The following KCNAB1 variants were observed in gnomAD, a reference collection of about 807,000 sequenced individuals.
The protein encoded by KCNAB1 is potassium voltage-gated channel subfamily A regulatory beta subunit 1.
A neutral mutation model predicts 64.6 loss-of-function variants in KCNAB1; 35 were observed. That is an observed-to-expected ratio of 0.54 (90% confidence interval 0.41 to 0.72). KCNAB1 has a LOEUF of 0.72. Ranked by LOEUF, KCNAB1 falls within the 30% of genes least tolerant of loss-of-function variation. The pLI is 0.00. For missense variants in KCNAB1, 401 were observed against 512.9 expected (o/e 0.78, Z 2.11); for synonymous variants, 177 against 183.8 (o/e 0.96, Z 0.30).
At chr3:156,225,600 G>A (rs536764774) in intron 1 of KCNAB1, among the ~76,000 whole-genome samples, 1 of 152,256 alleles carries the variant, frequency 6.6e-6, no homozygotes, top group East Asian at 1.9e-4. Flanking sequence ...GAAATAAAGG[G>A]CATCCAAATT....
chr3:156,163,346 A>T (rs995455216), intron 1 of KCNAB1, among the ~76,000 whole-genome samples: 16 of 152,132 alleles, frequency 1.1e-4, no homozygotes, highest in Non-Finnish European at 2.2e-4. Context: ...AATTTTTTTT[A>T]GGTTTTCCAG....
chr3:156,457,605 G>A, intron 4 of KCNAB1, 73 bp downstream of exon 4: 1 of 1,316,078 alleles, frequency 7.6e-7, no homozygotes, highest in Non-Finnish European at 1.1e-6. Context: ...ACCATTTCCA[G>A]CATGTTGGTG....
intron 1 of KCNAB1, among the ~76,000 whole-genome samples, chr3:156,258,284 C>A (rs1718220781): frequency 6.6e-6 from 1 of 152,152 alleles, no homozygotes; most frequent in Non-Finnish European, 1.5e-5. Flanking sequence ...AAAGGAGAAG[C>A]CTGGACAGGC....
At chr3:156,403,252 A>T (rs1397749681) in intron 1 of KCNAB1, among the ~76,000 whole-genome samples, 1 of 152,182 alleles carries the variant, frequency 6.6e-6, no homozygotes, top group Admixed American at 6.5e-5. Flanking sequence ...CCTGGTCACC[A>T]TGCCATGTTG....
chr3:156,490,405 A>G (rs886252345), intron 8 of KCNAB1, among the ~76,000 whole-genome samples: 3 of 152,128 alleles, frequency 2.0e-5, no homozygotes, highest in Non-Finnish European at 2.9e-5. Flanking sequence ...TCTAACAGGA[A>G]AAGAAGCTCA....
At chr3:156,357,356 T>A (rs1328515650) in intron 1 of KCNAB1, among the ~76,000 whole-genome samples, 1 of 152,206 alleles carries the variant, frequency 6.6e-6, no homozygotes, top group East Asian at 1.9e-4. Context: ...AAGTCATAAT[T>A]TTTGAGCTGT....
intron 1 of KCNAB1, among the ~76,000 whole-genome samples, chr3:156,131,033 G>A (rs930803063): frequency 7.2e-5 from 11 of 152,352 alleles, no homozygotes; most frequent in African/African-American, 2.6e-4. Context: ...CAGAATTTGA[G>A]TTTAAGTCAG....
intron 1 of KCNAB1, among the ~76,000 whole-genome samples, chr3:156,226,461 A>G (rs898725497): frequency 4.6e-5 from 7 of 152,228 alleles, no homozygotes; most frequent in Non-Finnish European, 4.4e-5. Context: ...TAAAAATTCT[A>G]GAAGATAACA....
chr3:156,457,216 G>A (rs568237189), intron 3 of KCNAB1: 59 of 1,307,182 alleles, frequency 4.5e-5, no homozygotes, highest in Non-Finnish European at 5.7e-5. Context: ...TCCACTTTGG[G>A]CAGGCTAAAT....
intron 1 of KCNAB1, among the ~76,000 whole-genome samples, chr3:156,387,336 C>T (rs1401418655): frequency 6.6e-6 from 1 of 152,018 alleles, no homozygotes; most frequent in South Asian, 2.1e-4. Context: ...GAGAGACAAG[C>T]CCAAAGGTTA....
intron 1 of KCNAB1, among the ~76,000 whole-genome samples, chr3:156,173,483 G>A (rs888504641): frequency 2.5e-4 from 38 of 152,278 alleles, no homozygotes; most frequent in African/African-American, 8.9e-4. Context: ...AGCAATTACT[G>A]TCCAGTGGTC....
chr3:156,239,200 A>G (rs1179729888), intron 1 of KCNAB1, among the ~76,000 whole-genome samples: 1 of 152,262 alleles, frequency 6.6e-6, no homozygotes, highest in African/African-American at 2.4e-5. Flanking sequence ...TCAAATATGG[A>G]ATACATGATA....
intron 1 of KCNAB1, among the ~76,000 whole-genome samples, chr3:156,355,176 T>A (rs1725148540): frequency 6.6e-6 from 1 of 152,262 alleles, no homozygotes; most frequent in Admixed American, 6.5e-5. Flanking sequence ...TAAGATTTTT[T>A]AAAGTATATT....
rs115778731 is a variant in KCNAB1 at position 156,187,278 on chromosome 3, G to T, written c.275+66392G>T. Among the ~76,000 whole-genome samples the T allele has an allele frequency of 1.9e-3, 285 of 152,212 alleles. 1 individual carries two copies. Among genetic ancestry groups the T allele is most frequent in the African/African-American group, 6.6e-3 (276 of 41,530 alleles). On this transcript the variant is annotated intron_variant, in intron 1 of 13. Coordinates refer to ENST00000490337, the MANE Select transcript of KCNAB1 (RefSeq NM_172160.3). Reference sequence around the variant, plus strand: ...TCCCTTTATACACTCCCCATGAGTTGACTCACTCACATTCTTGGTAAATGA... The same window carrying T: ...TCCCTTTATACACTCCCCATGAGTTTACTCACTCACATTCTTGGTAAATGA...
At chr3:156,146,514 C>A (rs1330370782) in intron 1 of KCNAB1, among the ~76,000 whole-genome samples, 3 of 152,134 alleles carry the variant, frequency 2.0e-5, no homozygotes, top group African/African-American at 7.2e-5. Flanking sequence ...AGCTTTGAAG[C>A]AATCTTATAA....
rs574497302 is a variant in KCNAB1 at position 156,452,901 on chromosome 3, A to C, written c.322A>C (p.Thr108Pro). ...GLRVSCLGLG[T>P]WVTFGGQISD... is the part of the protein sequence containing the mutation. ...TGCAAATATTTATTATTTTCTAGGA[A>C]CATGGGTGACATTTGGAGGTCAAAT... Residue 108 changes from threonine to proline, a missense_variant and splice_region_variant, in exon 3 of 14, where the codon ACA becomes CCA. Coordinates refer to ENST00000490337, the MANE Select transcript of KCNAB1 (RefSeq NM_172160.3). This position sits in a 1 kb window ranked among gnomAD's most constrained non-coding sequence, Gnocchi z 4.6. 6.3e-7 allele frequency: 1 copy of C among 1,599,624 alleles called. No homozygotes were observed. Among genetic ancestry groups the C allele is most frequent in the East Asian group, 2.2e-5 (1 of 44,692 alleles).
At chr3:156,536,486 C>A in intron 13 of KCNAB1, 172 bp from the exon 14 acceptor site, 1 of 594,346 alleles carries the variant, frequency 1.7e-6, no homozygotes, top group Non-Finnish European at 3.0e-6. Flanking sequence ...TCAACAAGGC[C>A]CCTGACCTCA....
intron 1 of KCNAB1, among the ~76,000 whole-genome samples, chr3:156,284,318 G>C (rs1219988684): frequency 6.6e-6 from 1 of 152,192 alleles, no homozygotes; most frequent in East Asian, 1.9e-4. Flanking sequence ...GAGGCAGTCT[G>C]CCCGTTCTCA....
At chr3:156,122,009 AT>A (rs1328715024) in intron 1 of KCNAB1, among the ~76,000 whole-genome samples, 2 of 152,246 alleles carry the variant, frequency 1.3e-5, no homozygotes, top group Admixed American at 6.5e-5. Context: ...ATAAATAGAT[AT>A]TTTAAAACCT....
Sources: allele counts gnomAD v4.1 joint callset (sites outside exome capture counted in the v4.1 genomes callset), GRCh38; gene constraint gnomAD v4.1.1; non-coding constraint Gnocchi (gnomAD v3.1); transcripts MANE v1.5; gene names NCBI Gene and HGNC (gene_info 2026-07-23, HGNC 2026-07-21).